The following TMTC2 variants were observed in gnomAD, a reference collection of about 807,000 sequenced individuals.
TMTC2 encodes transmembrane O-mannosyltransferase targeting cadherins 2.
A neutral mutation model predicts 82.4 loss-of-function variants in TMTC2; 43 were observed. That is an observed-to-expected ratio of 0.52 (90% confidence interval 0.41 to 0.67). TMTC2 has a LOEUF of 0.67. TMTC2 is among the 30% of genes least tolerant of loss of function. TMTC2 has a pLI of 0.00. For synonymous variants in TMTC2, 408 were observed against 381.9 expected (o/e 1.07, Z -0.80); for missense variants, 919 against 1,012.4 (o/e 0.91, Z 1.25).
intron 1 of TMTC2, among the ~76,000 whole-genome samples, chr12:82,729,909 A>G (rs1046249581): frequency 3.9e-5 from 6 of 152,158 alleles, no homozygotes; most frequent in African/African-American, 1.4e-4. Context: ...CCACGAACCC[A>G]CTGGGAGAAA....
intron 11 of TMTC2, among the ~76,000 whole-genome samples, chr12:83,131,910 A>G (rs1592515321): frequency 1.3e-5 from 2 of 152,260 alleles, no homozygotes; most frequent in Non-Finnish European, 2.9e-5. Context: ...TTTTTTCTCA[A>G]ATAGTACCAT....
At chr12:82,760,112 G>A (rs945989281) in intron 1 of TMTC2, 2 of 151,998 alleles carry the variant, frequency 1.3e-5, no homozygotes, top group Non-Finnish European at 2.9e-5. Context: ...TGGGTCTCAG[G>A]ATTAGATTAA....
intron 1 of TMTC2, among the ~76,000 whole-genome samples, chr12:82,836,362 G>A (rs10862514): frequency 0.025 from 3,777 of 152,300 alleles, 63 homozygotes; most frequent in Middle Eastern, 0.054. Context: ...GGATTATCTG[G>A]TTGGACCCAG....
intron 7 of TMTC2, among the ~76,000 whole-genome samples, chr12:82,976,695 G>A (rs989946367): frequency 2.6e-5 from 4 of 152,000 alleles, no homozygotes; most frequent in African/African-American, 9.7e-5. Context: ...AGATACAAAA[G>A]ATTCACAAAA....
chr12:82,856,909 T>C, intron 1 of TMTC2, 101 bp from the exon 2 acceptor site: 1 of 1,166,492 alleles, frequency 8.6e-7, no homozygotes, highest in Non-Finnish European at 1.2e-6. Context: ...CAAAGCTACA[T>C]AGTAACAAAG....
At chr12:82,909,587 G>C (rs564909722) in intron 3 of TMTC2, among the ~76,000 whole-genome samples, 2 of 151,928 alleles carry the variant, frequency 1.3e-5, no homozygotes, top group Admixed American at 6.6e-5. Flanking sequence ...TGATCCACCC[G>C]CCTCAGCCTC....
At position 83,050,416 on chromosome 12, in the gene TMTC2, C is replaced by T. The variant is rs1433861777; in HGVS notation, c.2153-488C>T. Reference sequence around the variant, plus strand: ...TGTAAAGCTAACCTGAAAGTAATCTCACAAATCTGAACTTGTTAATATTTA... The same window carrying T: ...TGTAAAGCTAACCTGAAAGTAATCTTACAAATCTGAACTTGTTAATATTTA... On this transcript the variant is annotated intron_variant, in intron 9 of 11. Coordinates refer to ENST00000321196, the MANE Select transcript of TMTC2 (RefSeq NM_152588.3). 2.0e-5 allele frequency among the ~76,000 whole-genome samples: 3 copies of T among 152,106 alleles called. No individual in the cohort carries two copies. The East Asian group carries it at 5.8e-4, about 29-fold the overall frequency.
At chr12:82,731,106 T>C (rs1192963824) in intron 1 of TMTC2, among the ~76,000 whole-genome samples, 1 of 152,228 alleles carries the variant, frequency 6.6e-6, no homozygotes, top group Non-Finnish European at 1.5e-5. Flanking sequence ...TATCGGTGTT[T>C]ATACATTCAA....
intron 1 of TMTC2, among the ~76,000 whole-genome samples, chr12:82,751,311 C>G (rs1875988462): frequency 6.6e-6 from 1 of 151,458 alleles, no homozygotes; most frequent in Non-Finnish European, 1.5e-5. Context: ...ACCGCATATT[C>G]TCACTCATAG....
chr12:82,764,978 G>GGT (rs914044567), intron 1 of TMTC2, among the ~76,000 whole-genome samples: 2 of 149,888 alleles, frequency 1.3e-5, no homozygotes, highest in African/African-American at 4.9e-5. Context: ...GGTGGGCGGG[G>GGT]GGGTGACTGC....
chr12:82,835,816 C>G (rs1293117853), intron 1 of TMTC2, among the ~76,000 whole-genome samples: 1 of 152,158 alleles, frequency 6.6e-6, no homozygotes, highest in Admixed American at 6.5e-5. Flanking sequence ...TTCCCTCTTC[C>G]TTGACCCCCT....
chr12:82,748,157 A>T (rs1875788527), intron 1 of TMTC2, among the ~76,000 whole-genome samples: 1 of 152,186 alleles, frequency 6.6e-6, no homozygotes, highest in East Asian at 1.9e-4. Context: ...AAAAACACAA[A>T]AAAATTAGCC....
chr12:82,962,298 A>G (rs1592659766), intron 4 of TMTC2, among the ~76,000 whole-genome samples: 1 of 152,166 alleles, frequency 6.6e-6, no homozygotes, highest in East Asian at 1.9e-4. Context: ...CATTCCATCT[A>G]GCCTAATAGC....
chr12:83,016,315 T>TAGC (rs1211256562), intron 8 of TMTC2, among the ~76,000 whole-genome samples: 12 of 152,224 alleles, frequency 7.9e-5, no homozygotes, highest in Admixed American at 7.9e-4. Context: ...ACTGACTAGA[T>TAGC]AGCCCTTTGC....
intron 11 of TMTC2, among the ~76,000 whole-genome samples, chr12:83,101,169 C>A (rs1884203725): frequency 1.3e-5 from 2 of 152,126 alleles, no homozygotes; most frequent in Non-Finnish European, 2.9e-5. Flanking sequence ...TACAATTGAG[C>A]ACTTGATGGG....
chr12:82,939,902 GT>G (rs1876610668), intron 4 of TMTC2, among the ~76,000 whole-genome samples: 1 of 151,468 alleles, frequency 6.6e-6, no homozygotes, highest in Admixed American at 6.6e-5. Context: ...TGGAAGTCCA[GT>G]TAGGGTTTTC....
chr12:82,863,769 C>T (rs183349464), intron 2 of TMTC2, among the ~76,000 whole-genome samples: 5 of 152,104 alleles, frequency 3.3e-5, no homozygotes, highest in African/African-American at 7.2e-5. Flanking sequence ...TTGTGCCAAG[C>T]GCTATAGTAG....
intron 2 of TMTC2, among the ~76,000 whole-genome samples, chr12:82,865,589 T>C (rs1016232524): frequency 4.6e-5 from 7 of 152,138 alleles, no homozygotes; most frequent in African/African-American, 1.4e-4. Context: ...ACTGTCAACA[T>C]TAGACAGATC....
chr12:82,811,807 CTTTTTTTT>C lies in TMTC2; in HGVS notation c.84-45184_84-45177del, dbSNP rs1171596880. ...AAGTTTTCTTTTCCATGCTCTCCTT[CTTTTTTTT>C]TTTTTTTTTTTTTTTTTTCTGAGAT... is the stretch of plus-strand genomic sequence containing the variant. On this transcript the variant is annotated intron_variant, in intron 1 of 11. Transcript: ENST00000321196. 3.3e-4 allele frequency among the ~76,000 whole-genome samples: 30 copies of C among 91,086 alleles called. 1 individual carries two copies. Among genetic ancestry groups the C allele is most frequent in the Non-Finnish European group, 2.1e-4 (10 of 46,978 alleles). The allele number at this position is 91,086 out of a possible 152,430, so 59.8% of individuals were successfully genotyped here.
Sources: allele counts gnomAD v4.1 joint callset (sites outside exome capture counted in the v4.1 genomes callset), GRCh38; gene constraint gnomAD v4.1.1; transcripts MANE v1.5; gene names NCBI Gene and HGNC (gene_info 2026-07-23, HGNC 2026-07-21).